Variants in GPC5 observed in about 807,000 individuals in gnomAD.
The protein encoded by GPC5 is glypican 5.
A neutral mutation model predicts 53.9 loss-of-function variants in GPC5; 47 were observed. The ratio of observed to expected loss-of-function variants is 0.87; its 90% confidence interval spans 0.69 to 1.11. The LOEUF (loss-of-function observed/expected upper bound fraction) is 1.11, where lower values mean the gene tolerates loss of function less well. GPC5 is among the 50% of genes most tolerant of loss of function. The probability of loss-of-function intolerance (pLI) is 0.00; values close to 1 mark genes in which losing one functional copy is unlikely to be tolerated. For synonymous variants in GPC5, 286 were observed against 263.3 expected (o/e 1.09, Z -0.84); for missense variants, 748 against 713.1 (o/e 1.05, Z -0.56).
intron 3 of GPC5, among the ~76,000 whole-genome samples, chr13:91,715,287 A>G (rs1238273311): frequency 6.6e-6 from 1 of 152,214 alleles, no homozygotes; most frequent in African/African-American, 2.4e-5. Context: ...TTACTTCACC[A>G]GGATGTATGA....
At chr13:92,862,160 T>G (rs1879201561) in intron 7 of GPC5, among the ~76,000 whole-genome samples, 1 of 152,170 alleles carries the variant, frequency 6.6e-6, no homozygotes, top group African/African-American at 2.4e-5. Flanking sequence ...TTACCTTGAG[T>G]AAATTACTTC....
intron 7 of GPC5, among the ~76,000 whole-genome samples, chr13:92,864,192 G>A (rs1879272251): frequency 6.6e-6 from 1 of 152,104 alleles, no homozygotes; most frequent in African/African-American, 2.4e-5. Context: ...ATGACTGCCA[G>A]GCTCTTGAAA....
At chr13:92,694,648 A>C (rs1016802011) in intron 7 of GPC5, among the ~76,000 whole-genome samples, 1 of 152,146 alleles carries the variant, frequency 6.6e-6, no homozygotes, top group Admixed American at 6.6e-5. Flanking sequence ...AGAAGTAACT[A>C]ATTTGTGTTT....
At chr13:92,442,439 AGGTATG>A (rs1291544159) in intron 7 of GPC5, among the ~76,000 whole-genome samples, 1 of 152,210 alleles carries the variant, frequency 6.6e-6, no homozygotes, top group Non-Finnish European at 1.5e-5. Flanking sequence ...CCATAGAGTG[AGGTATG>A]CAGAGATCCT....
chr13:91,482,243 A>T (rs906990144), intron 2 of GPC5, among the ~76,000 whole-genome samples: 1 of 151,872 alleles, frequency 6.6e-6, no homozygotes, highest in Non-Finnish European at 1.5e-5. Context: ...TCTCTCTCTC[A>T]CTCGTCTGTT....
chr13:92,765,628 C>T (rs757738813), intron 7 of GPC5, among the ~76,000 whole-genome samples: 3 of 152,182 alleles, frequency 2.0e-5, no homozygotes, highest in Non-Finnish European at 2.9e-5. Flanking sequence ...GCATTACCAT[C>T]GCCTGGGACC....
intron 2 of GPC5, among the ~76,000 whole-genome samples, chr13:91,573,881 T>C (rs2032036786): frequency 6.6e-6 from 1 of 152,124 alleles, no homozygotes. Flanking sequence ...ATCGTATATA[T>C]ATGTATATGT....
At chr13:92,157,970 AT>A (rs2041957792) in intron 7 of GPC5, among the ~76,000 whole-genome samples, 1 of 152,228 alleles carries the variant, frequency 6.6e-6, no homozygotes, top group African/African-American at 2.4e-5. Flanking sequence ...ACTGTAAAAA[AT>A]ACATAAAATT....
chr13:91,974,564 G>A (rs1203012361), intron 6 of GPC5, among the ~76,000 whole-genome samples: 1 of 152,034 alleles, frequency 6.6e-6, no homozygotes, highest in Non-Finnish European at 1.5e-5. Context: ...ACTTACAAGG[G>A]ATGTGAAGGA....
chr13:91,644,864 A>G (rs1001781105), intron 2 of GPC5, among the ~76,000 whole-genome samples: 1 of 152,236 alleles, frequency 6.6e-6, no homozygotes, highest in African/African-American at 2.4e-5. Context: ...AGTTTTGGCA[A>G]AAATTTAAAA....
chr13:92,086,116 T>A (rs915257663), intron 6 of GPC5, among the ~76,000 whole-genome samples: 1 of 152,232 alleles, frequency 6.6e-6, no homozygotes, highest in Admixed American at 6.5e-5. Context: ...ACCTAAGTTA[T>A]CTGGAAATTC....
At chr13:91,814,527 T>G (rs1409804570) in intron 5 of GPC5, among the ~76,000 whole-genome samples, 3 of 151,546 alleles carry the variant, frequency 2.0e-5, no homozygotes, top group Non-Finnish European at 2.9e-5. Flanking sequence ...TTCTGCAACT[T>G]TATTTATTTA....
At chr13:91,596,455 C>A (rs1297872935) in intron 2 of GPC5, among the ~76,000 whole-genome samples, 1 of 152,156 alleles carries the variant, frequency 6.6e-6, no homozygotes, top group Non-Finnish European at 1.5e-5. Context: ...AATACACTGT[C>A]AATTCTGCAT....
At chr13:91,410,863 C>T (rs944419190) in intron 1 of GPC5, among the ~76,000 whole-genome samples, 3 of 152,078 alleles carry the variant, frequency 2.0e-5, no homozygotes, top group Admixed American at 2.0e-4. Flanking sequence ...CACATCTCAG[C>T]ACTTTGGGAG....
chr13:92,507,336 A>G (rs1880408550), intron 7 of GPC5, among the ~76,000 whole-genome samples: 1 of 152,232 alleles, frequency 6.6e-6, no homozygotes, highest in Admixed American at 6.5e-5. Flanking sequence ...TAGCTATAGA[A>G]ATTCAACAAA....
At chr13:92,466,935 G>A (rs1369576510) in intron 7 of GPC5, among the ~76,000 whole-genome samples, 6 of 152,126 alleles carry the variant, frequency 3.9e-5, no homozygotes, top group Non-Finnish European at 8.8e-5. Context: ...GTTGAGACAA[G>A]AGGGTACTGA....
intron 1 of GPC5, among the ~76,000 whole-genome samples, chr13:91,431,079 A>T (rs913749706): frequency 1.3e-5 from 2 of 152,090 alleles, no homozygotes; most frequent in African/African-American, 4.8e-5. Context: ...TTTGTTTGCC[A>T]TGCTGCCCAG....
chr13:92,468,166 G>T (rs897033147), intron 7 of GPC5, among the ~76,000 whole-genome samples: 1 of 152,012 alleles, frequency 6.6e-6, no homozygotes, highest in Non-Finnish European at 1.5e-5. Flanking sequence ...CTAATAAATT[G>T]GTTGATTCAA....
intron 6 of GPC5, among the ~76,000 whole-genome samples, chr13:92,005,990 G>C (rs1005743415): frequency 6.6e-6 from 1 of 152,022 alleles, no homozygotes; most frequent in Non-Finnish European, 1.5e-5. Flanking sequence ...GGCTATAAAA[G>C]ACCCACAAAA....
Sources: gnomAD v4.1 joint callset for allele counts (sites outside exome capture counted in the v4.1 genomes callset) on GRCh38, gnomAD v4.1.1 for gene constraint, MANE v1.5 for transcripts, NCBI Gene and HGNC (gene_info 2026-07-23, HGNC 2026-07-21) for gene names.